The following KAZN variants were observed in gnomAD, a reference collection of about 807,000 sequenced individuals.
The protein encoded by KAZN is kazrin.
In KAZN, 40 loss-of-function variants were observed where a neutral mutation model predicts 87.4. The observed-to-expected ratio is 0.46, with a 90% confidence interval of 0.36 to 0.60. The LOEUF is 0.60. Among genes scored for constraint, KAZN ranks in the 20% least tolerant of loss-of-function variants. KAZN has a pLI of 0.00. For missense variants in KAZN, 898 were observed against 1,073.9 expected (o/e 0.84, Z 2.29); for synonymous variants, 466 against 458.3 (o/e 1.02, Z -0.22).
rs971747569 is a variant in KAZN at position 14,883,236 on chromosome 1, G to A, written c.227-77448G>A. Among the ~76,000 whole-genome samples, 3 of 149,688 alleles carry A rather than the reference G, an allele frequency of 2.0e-5. No individual in the cohort carries two copies. In the South Asian group the frequency reaches 6.5e-4, roughly 32 times the overall value. Reference sequence around the variant, plus strand: ...CTTGAACCCAGGAGGCGGAGGTTGCGGTGAGCCAAGATCACTCCATTGCCC... The same window carrying A: ...CTTGAACCCAGGAGGCGGAGGTTGCAGTGAGCCAAGATCACTCCATTGCCC... On this transcript the variant is annotated intron_variant, in intron 1 of 14. Transcript: ENST00000376030.
chr1:14,460,808 A>G (rs1667814333), intron 2 of KAZN, among the ~76,000 whole-genome samples: 1 of 152,210 alleles, frequency 6.6e-6, no homozygotes, highest in Non-Finnish European at 1.5e-5. Context: ...GTTCACCAAG[A>G]GCATTTTAGC....
At chr1:14,466,139 T>C (rs922149872) in intron 2 of KAZN, among the ~76,000 whole-genome samples, 1 of 152,154 alleles carries the variant, frequency 6.6e-6, no homozygotes, top group Admixed American at 6.5e-5. Context: ...TTTCAGAACA[T>C]ATCCCTGTCG....
intron 2 of KAZN, among the ~76,000 whole-genome samples, chr1:14,399,905 T>A (rs753412745): frequency 2.0e-5 from 3 of 152,206 alleles, no homozygotes; most frequent in African/African-American, 4.8e-5. Flanking sequence ...TTATACCCTG[T>A]TCATCTCATC....
intron 1 of KAZN, among the ~76,000 whole-genome samples, chr1:13,993,098 G>C (rs1299963201): frequency 1.3e-5 from 2 of 152,154 alleles, no homozygotes; most frequent in African/African-American, 2.4e-5. Context: ...CATGTGAATA[G>C]AAGTAGTGTG....
At chr1:14,787,336 A>C (rs575140986) in intron 1 of KAZN, among the ~76,000 whole-genome samples, 1 of 152,220 alleles carries the variant, frequency 6.6e-6, no homozygotes, top group African/African-American at 2.4e-5. Flanking sequence ...AAACCAAGGC[A>C]TAGTGAGGTT....
chr1:14,648,532 G>A (rs1421388111), intron 1 of KAZN, among the ~76,000 whole-genome samples: 1 of 152,094 alleles, frequency 6.6e-6, no homozygotes, highest in Admixed American at 6.6e-5. Flanking sequence ...CCTCCTCTCT[G>A]TCCCTTAGAT....
In KAZN at chr1:15,112,386, A is replaced by G. The variant is rs1573328377; in HGVS notation, c.2049-41A>G. ...GTGTGTGTGTGTGTCTGGGGAGCTG[A>G]CTGAGCCTCCCCTGCTGACTCAAAA... On this transcript the variant is annotated intron_variant, in intron 13 of 14. Coordinates refer to ENST00000376030, the MANE Select transcript of KAZN (RefSeq NM_201628.3). 9.9e-6 allele frequency: 11 copies of G among 1,106,130 alleles called. No individual in the cohort carries two copies. The East Asian group carries it at 2.8e-4, about 28-fold the overall frequency. 68.5% of individuals were successfully genotyped at this position (1,106,130 alleles called of 1,614,324 possible).
intron 1 of KAZN, among the ~76,000 whole-genome samples, chr1:14,072,468 T>C (rs899462744): frequency 6.6e-6 from 1 of 152,124 alleles, no homozygotes; most frequent in African/African-American, 2.4e-5. Flanking sequence ...TGGGATGGCA[T>C]GGGCAAGACC....
chr1:14,673,157 G>A (rs935303271), intron 1 of KAZN, among the ~76,000 whole-genome samples: 1 of 152,330 alleles, frequency 6.6e-6, no homozygotes, highest in South Asian at 2.1e-4. Flanking sequence ...TTACAGGGCA[G>A]CAAGAGACGG....
intron 1 of KAZN, among the ~76,000 whole-genome samples, chr1:14,173,236 G>GA (rs1645994593): frequency 6.6e-6 from 1 of 152,008 alleles, no homozygotes; most frequent in African/African-American, 2.4e-5. Flanking sequence ...AAGAGTACAA[G>GA]CATCTTTATA....
At chr1:14,696,239 A>G (rs1641595264) in intron 1 of KAZN, among the ~76,000 whole-genome samples, 1 of 152,152 alleles carries the variant, frequency 6.6e-6, no homozygotes, top group Non-Finnish European at 1.5e-5. Flanking sequence ...TGAACCACGC[A>G]GCATTTACCT....
intron 13 of KAZN, among the ~76,000 whole-genome samples, chr1:15,105,573 A>G (rs1641266614): frequency 6.7e-6 from 1 of 149,784 alleles, no homozygotes; most frequent in Non-Finnish European, 1.5e-5. Flanking sequence ...TTTTTTTTTT[A>G]ATCAGCCTAT....
At chr1:14,521,596 T>C (rs1158832935) in intron 2 of KAZN, among the ~76,000 whole-genome samples, 1 of 152,170 alleles carries the variant, frequency 6.6e-6, no homozygotes, top group Admixed American at 6.5e-5. Flanking sequence ...GCCGATGCCA[T>C]GAAACAACTC....
rs1294259202 is a variant in KAZN at position 14,994,956 on chromosome 1, C to T, written c.418+34081C>T. On this transcript the variant is annotated intron_variant, in intron 2 of 14. Coordinates refer to ENST00000376030, the MANE Select transcript of KAZN (RefSeq NM_201628.3). ...GCCTCAGACACAGCATGGAGTAGGC[C>T]GTGGGCCACCAAGGCCACCACTGAT... Among the ~76,000 whole-genome samples, 27 of 152,206 alleles carry T rather than the reference C, an allele frequency of 1.8e-4. 1 individual carries two copies. The highest frequency in any genetic ancestry group is 1.7e-3 in the Admixed American group (26 of 15,282).
At chr1:14,700,541 G>A (rs1641865616) in intron 1 of KAZN, among the ~76,000 whole-genome samples, 1 of 151,984 alleles carries the variant, frequency 6.6e-6, no homozygotes, top group Non-Finnish European at 1.5e-5. Flanking sequence ...AGTCTCTGAT[G>A]GAGTGAGTCA....
intron 1 of KAZN, among the ~76,000 whole-genome samples, chr1:14,814,985 A>C (rs2100800805): frequency 6.6e-6 from 1 of 152,328 alleles, no homozygotes; most frequent in Middle Eastern, 3.4e-3. Flanking sequence ...TGTCCAGTGC[A>C]CAGTGGGCAC....
chr1:14,629,481 C>T (rs1322535605), intron 1 of KAZN, among the ~76,000 whole-genome samples: 1 of 152,206 alleles, frequency 6.6e-6, no homozygotes, highest in Non-Finnish European at 1.5e-5. Flanking sequence ...GATGGAAAAC[C>T]TCGCAGGCTG....
chr1:14,474,200 A>G lies in KAZN; in HGVS notation c.250-124783A>G, dbSNP rs143937427. Reference sequence around the variant, plus strand: ...ATGCTTTAGTTTGCTGAAGGCTCCTATTTTCTAGTACATGCAAATACCTAC... The same window carrying G: ...ATGCTTTAGTTTGCTGAAGGCTCCTGTTTTCTAGTACATGCAAATACCTAC... On this transcript the variant is annotated intron_variant, in intron 2 of 16. Transcript: ENST00000636203. Among the ~76,000 whole-genome samples, 5 of 152,196 alleles carry G rather than the reference A, an allele frequency of 3.3e-5. No homozygotes were observed. The East Asian group carries it at 9.6e-4, about 29-fold the overall frequency.
intron 1 of KAZN, among the ~76,000 whole-genome samples, chr1:14,668,668 G>T (rs1218736337): frequency 2.0e-5 from 3 of 152,160 alleles, no homozygotes; most frequent in South Asian, 4.2e-4. Context: ...CTAGGATGTT[G>T]ATGCTGCTTT....
Sources: allele counts gnomAD v4.1 joint callset (sites outside exome capture counted in the v4.1 genomes callset), GRCh38; gene constraint gnomAD v4.1.1; transcripts MANE v1.5; gene names NCBI Gene and HGNC (gene_info 2026-07-23, HGNC 2026-07-21).